Variants in ERBB4 observed in about 807,000 individuals in gnomAD.
ERBB4 encodes erb-b2 receptor tyrosine kinase 4.
A neutral mutation model predicts 158.0 loss-of-function variants in ERBB4; 42 were observed. The observed-to-expected ratio is 0.27, with a 90% CI of 0.21 to 0.34. The LOEUF is 0.34. Among genes scored for constraint, ERBB4 ranks in the 10% least tolerant of loss-of-function variants. The pLI is 1.00. For missense variants in ERBB4, 1,333 were observed against 1,624.1 expected, an observed-to-expected ratio of 0.82 and a Z score of 3.08; for synonymous variants, 583 against 558.7, an observed-to-expected ratio of 1.04 and a Z score of -0.61.
intron 2 of ERBB4, among the ~76,000 whole-genome samples, chr2:212,011,981 T>C (rs535530776): frequency 6.6e-5 from 10 of 152,282 alleles, no homozygotes; most frequent in Admixed American, 5.9e-4. Flanking sequence ...AAACTTCCTT[T>C]ATCAACCATT....
At chr2:211,701,482 C>A (rs1316185301) in intron 12 of ERBB4, among the ~76,000 whole-genome samples, 2 of 152,074 alleles carry the variant, frequency 1.3e-5, no homozygotes, top group African/African-American at 4.8e-5. Flanking sequence ...GACGGCCGGG[C>A]GCGGTGGCTC....
At chr2:212,090,620 C>T (rs555828984) in intron 2 of ERBB4, among the ~76,000 whole-genome samples, 19 of 152,176 alleles carry the variant, frequency 1.2e-4, no homozygotes, top group African/African-American at 4.3e-4. Context: ...AATTCTCCAT[C>T]CTAGATGCAT....
At chr2:211,622,101 A>G (rs1358025679) in intron 18 of ERBB4, among the ~76,000 whole-genome samples, 1 of 152,214 alleles carries the variant, frequency 6.6e-6, no homozygotes, top group Non-Finnish European at 1.5e-5. Flanking sequence ...AATAATCAAG[A>G]CTGCAATTTA....
chr2:211,773,633 T>TATATAATATATATATATATATATATA (rs1553630512), intron 4 of ERBB4, among the ~76,000 whole-genome samples: 2 of 102,852 alleles, frequency 1.9e-5, no homozygotes, highest in African/African-American at 9.1e-5. Context: ...TATATATATA[T>TATATAATATATATATATATATATATA]ATATATATAT....
intron 2 of ERBB4, among the ~76,000 whole-genome samples, chr2:211,950,277 T>A (rs937346390): frequency 1.3e-5 from 2 of 152,170 alleles, no homozygotes; most frequent in Non-Finnish European, 2.9e-5. Flanking sequence ...CAATGTCTGA[T>A]GGGAAACTGT....
chr2:212,148,587 G>C (rs1483947270), intron 1 of ERBB4, among the ~76,000 whole-genome samples: 1 of 152,078 alleles, frequency 6.6e-6, no homozygotes, highest in Non-Finnish European at 1.5e-5. Flanking sequence ...AGATGAGAAA[G>C]ACATGGTTGG....
chr2:211,583,188 G>A lies in ERBB4; in HGVS notation c.2302-21100C>T, dbSNP rs369353052. On this transcript the variant is annotated intron_variant, in intron 19 of 27. Coordinates refer to ENST00000342788, the MANE Select transcript of ERBB4 (RefSeq NM_005235.3). ...ATTAAATAATGAAATTCACTTTATC[G>A]ACAAACACAAATATTTACTGAGCAC... Among the ~76,000 whole-genome samples the A allele has an allele frequency of 3.9e-5, 6 of 151,938 alleles. No individual in the cohort carries two copies. In the South Asian group the frequency reaches 6.2e-4, roughly 16 times the overall value.
chr2:211,876,268 T>C (rs1330408737), intron 3 of ERBB4, among the ~76,000 whole-genome samples: 2 of 152,128 alleles, frequency 1.3e-5, no homozygotes, highest in African/African-American at 4.8e-5. Flanking sequence ...TCAGTAGGTA[T>C]TTTGGATTTA....
intron 11 of ERBB4, among the ~76,000 whole-genome samples, chr2:211,702,766 G>C (rs1009129798): frequency 6.6e-6 from 1 of 152,076 alleles, no homozygotes; most frequent in African/African-American, 2.4e-5. Context: ...TTGGGTATCT[G>C]GGGAAAAGGT....
In ERBB4 at chr2:211,953,386, A is replaced by T. The variant is rs570760571; in HGVS notation, c.235-5770T>A. Among the ~76,000 whole-genome samples the T allele has an allele frequency of 2.0e-3, 299 of 151,780 alleles. 1 individual carries two copies. The highest frequency in any genetic ancestry group is 6.9e-3 in the African/African-American group (284 of 41,446). On this transcript the variant is annotated intron_variant, in intron 2 of 27. Coordinates refer to ENST00000342788, the MANE Select transcript of ERBB4 (RefSeq NM_005235.3). Reference sequence around the variant, plus strand: ...TACCCCAGAACTTAAAGTATAATTTAAAAAAGTAAATAAAACAAAATAAAA... The same window carrying T: ...TACCCCAGAACTTAAAGTATAATTTTAAAAAGTAAATAAAACAAAATAAAA...
intron 4 of ERBB4, among the ~76,000 whole-genome samples, chr2:211,763,713 A>G (rs1189133659): frequency 6.6e-6 from 1 of 152,096 alleles, no homozygotes; most frequent in African/African-American, 2.4e-5. Flanking sequence ...GAGATTAGAC[A>G]TCACCGAGAC....
chr2:212,442,316 C>G (rs1356744672), intron 1 of ERBB4, among the ~76,000 whole-genome samples: 1 of 152,310 alleles, frequency 6.6e-6, no homozygotes, highest in Non-Finnish European at 1.5e-5. Flanking sequence ...TCACTTTACA[C>G]TCCCAGAACC....
intron 1 of ERBB4, among the ~76,000 whole-genome samples, chr2:212,431,684 T>G (rs1474272378): frequency 6.6e-6 from 1 of 152,174 alleles, no homozygotes; most frequent in African/African-American, 2.4e-5. Context: ...TGATGACATC[T>G]CTCATGACCC....
At chr2:211,993,453 C>G (rs572752349) in intron 2 of ERBB4, among the ~76,000 whole-genome samples, 1 of 152,194 alleles carries the variant, frequency 6.6e-6, no homozygotes, top group Non-Finnish European at 1.5e-5. Context: ...TCAGGGTGTG[C>G]TATTTTGTTA....
chr2:211,695,207 C>T (rs988350144), intron 12 of ERBB4, among the ~76,000 whole-genome samples: 2 of 152,136 alleles, frequency 1.3e-5, no homozygotes, highest in South Asian at 2.1e-4. Context: ...TGCTTCAATT[C>T]TGGACTCACT....
At chr2:212,303,557 G>A (rs16848285) in intron 1 of ERBB4, among the ~76,000 whole-genome samples, 20,309 of 150,808 alleles carry the variant, frequency 0.13, 1,470 homozygotes, top group South Asian at 0.23. Flanking sequence ...TCTTATGGAA[G>A]TCTTCCTGAA....
chr2:212,157,205 G>A (rs1278405440), intron 1 of ERBB4, among the ~76,000 whole-genome samples: 1 of 151,914 alleles, frequency 6.6e-6, no homozygotes, highest in Non-Finnish European at 1.5e-5. Context: ...CAGCATTTCT[G>A]GGCCATGGCA....
intron 19 of ERBB4, among the ~76,000 whole-genome samples, chr2:211,611,520 T>C (rs914577992): frequency 6.6e-6 from 1 of 152,166 alleles, no homozygotes; most frequent in Non-Finnish European, 1.5e-5. Context: ...GCTGCTGTGG[T>C]TCACGGCTTC....
chr2:212,057,731 G>A (rs934687512), intron 2 of ERBB4, among the ~76,000 whole-genome samples: 1 of 152,070 alleles, frequency 6.6e-6, no homozygotes, highest in Non-Finnish European at 1.5e-5. Flanking sequence ...TTTGAAACCA[G>A]TGAGAACAAA....
Sources: allele counts gnomAD v4.1 joint callset (sites outside exome capture counted in the v4.1 genomes callset), GRCh38; gene constraint gnomAD v4.1.1; transcripts MANE v1.5; gene names NCBI Gene and HGNC (gene_info 2026-07-23, HGNC 2026-07-21).